The following FER1L6 variants were observed in gnomAD, a reference collection of about 807,000 sequenced individuals.
FER1L6 encodes fer-1 like family member 6.
A neutral mutation model predicts 219.2 loss-of-function variants in FER1L6; 177 were observed. That is an observed-to-expected ratio of 0.81 (90% confidence interval 0.71 to 0.91). The LOEUF is 0.91. Among genes scored for constraint, FER1L6 ranks in the 40% least tolerant of loss-of-function variants. The pLI is 0.00. For missense variants in FER1L6, 2,153 were observed against 2,259.9 expected, an observed-to-expected ratio of 0.95 and a Z score of 0.96; for synonymous variants, 768 against 824.3, an observed-to-expected ratio of 0.93 and a Z score of 1.17.
In FER1L6 at chr8:124,119,940, C is replaced by CA; in HGVS notation, c.*150_*151insA. 7.8e-6 allele frequency: 6 copies of CA among 773,572 alleles called. No individual in the cohort carries two copies. Among genetic ancestry groups the CA allele is most frequent in the South Asian group, 2.8e-5 (1 of 35,120 alleles). 47.9% of individuals were successfully genotyped at this position (773,572 alleles called of 1,614,324 possible). A position where few individuals can be genotyped will look rare whatever the true frequency, so the allele number is the denominator to read the frequency against. On this transcript the variant is annotated 3_prime_UTR_variant, in exon 41 of 41. Coordinates refer to ENST00000522917, the MANE Select transcript of FER1L6 (RefSeq NM_001039112.2). Reference sequence around the variant, plus strand: ...GGAAGAGATGGAAAAGAAACATTTCCTCCCTGCTCCAACCCCTGCCTCCAA... The same window carrying CA: ...GGAAGAGATGGAAAAGAAACATTTCCATCCCTGCTCCAACCCCTGCCTCCAA...
chr8:123,922,879 A>C (rs1221368475), intron 1 of FER1L6, among the ~76,000 whole-genome samples: 3 of 152,068 alleles, frequency 2.0e-5, no homozygotes, highest in African/African-American at 7.2e-5. Flanking sequence ...TTTGAACTCA[A>C]AGTGTGTAAT....
At chr8:123,981,168 C>T (rs983760992) in intron 11 of FER1L6, among the ~76,000 whole-genome samples, 4 of 152,130 alleles carry the variant, frequency 2.6e-5, no homozygotes, top group Non-Finnish European at 5.9e-5. Context: ...TTAGAGTAAG[C>T]TCCGGATGGG....
chr8:123,871,687 G>C (rs1816926307), intron 1 of FER1L6, among the ~76,000 whole-genome samples: 1 of 152,168 alleles, frequency 6.6e-6, no homozygotes. Context: ...AGGAGGTAAA[G>C]CATAGATTCC....
At chr8:123,892,179 T>A (rs1812658541) in intron 1 of FER1L6, among the ~76,000 whole-genome samples, 2 of 152,168 alleles carry the variant, frequency 1.3e-5, no homozygotes, top group Non-Finnish European at 2.9e-5. Context: ...TAATACACCA[T>A]ACAAAGGTAA....
At chr8:124,013,381 C>A in intron 14 of FER1L6, 50 bp from the exon 15 acceptor site, 1 of 1,119,672 alleles carries the variant, frequency 8.9e-7, no homozygotes, top group Non-Finnish European at 1.3e-6. Context: ...TCTCTACTAC[C>A]AATCTCATTA....
chr8:124,031,724 C>A (rs534379969), intron 18 of FER1L6, among the ~76,000 whole-genome samples: 5 of 152,188 alleles, frequency 3.3e-5, no homozygotes, highest in African/African-American at 1.2e-4. Flanking sequence ...GGCAGGAGGT[C>A]AGAGAAACAC....
chr8:123,948,639 G>T (rs1198582557), intron 1 of FER1L6, among the ~76,000 whole-genome samples: 1 of 152,012 alleles, frequency 6.6e-6, no homozygotes, highest in Non-Finnish European at 1.5e-5. Context: ...GTATAAAGAG[G>T]TACAACTGAC....
rs772870163 is a variant in FER1L6 at position 124,045,937 on chromosome 8, C to G, written c.2724+36C>G. 3.1e-6 allele frequency: 5 copies of G among 1,603,610 alleles called. No individual in the cohort carries two copies. The South Asian group carries it at 5.6e-5, about 18-fold the overall frequency. ...CCCTGGGCCAGTGCTGACCACACCTCATAAAAAATGCCACGTTGAACTCAC... is the reference window on the plus strand; with the variant it reads ...CCCTGGGCCAGTGCTGACCACACCTGATAAAAAATGCCACGTTGAACTCAC... On this transcript the variant is annotated intron_variant, in intron 21 of 40. Coordinates refer to ENST00000522917, the MANE Select transcript of FER1L6 (RefSeq NM_001039112.2).
At position 124,099,278 on chromosome 8, in the gene FER1L6, G is replaced by A. The variant is rs968564153; in HGVS notation, c.4883+1395G>A. Among the ~76,000 whole-genome samples, 7 of 152,110 alleles carry A rather than the reference G, an allele frequency of 4.6e-5. No homozygotes were observed. The South Asian group carries it at 6.2e-4, about 14-fold the overall frequency. On this transcript the variant is annotated intron_variant, in intron 37 of 40. Coordinates refer to ENST00000522917, the MANE Select transcript of FER1L6 (RefSeq NM_001039112.2). ...TTCATTCTTGACAACTCCTGTTCCC[G>A]ATGTGTAGATTCCTCAAAAGCAGCA...
At chr8:123,903,918 TTTAA>T (rs1408343336) in intron 1 of FER1L6, among the ~76,000 whole-genome samples, 1 of 152,158 alleles carries the variant, frequency 6.6e-6, no homozygotes, top group Non-Finnish European at 1.5e-5. Context: ...GATTTGACAA[TTTAA>T]TTAACTTATC....
At chr8:123,969,886 A>AAAAC (rs377727638) in intron 5 of FER1L6, 149 bp from the exon 6 acceptor site, 14 of 575,986 alleles carry the variant, frequency 2.4e-5, no homozygotes, top group African/African-American at 2.0e-4. Flanking sequence ...AAAAAAAAAA[A>AAAAC]GAGAATTGAC....
intron 20 of FER1L6, among the ~76,000 whole-genome samples, chr8:124,045,275 G>C (rs989433319): frequency 6.6e-6 from 1 of 152,194 alleles, no homozygotes; most frequent in Non-Finnish European, 1.5e-5. Context: ...GGGCTTTGCT[G>C]CCAGATGGTC....
At chr8:123,899,996 T>C (rs1423251273) in intron 1 of FER1L6, among the ~76,000 whole-genome samples, 1 of 152,166 alleles carries the variant, frequency 6.6e-6, no homozygotes, top group East Asian at 1.9e-4. Flanking sequence ...TTTGGTTCCA[T>C]ATGAATTTTA....
At chr8:123,866,958 A>G (rs1382221992) in intron 1 of FER1L6, among the ~76,000 whole-genome samples, 1 of 152,192 alleles carries the variant, frequency 6.6e-6, no homozygotes, top group Non-Finnish European at 1.5e-5. Context: ...AGTTCCTCAT[A>G]TATTTTGAAT....
chr8:124,093,451 C>T (rs939907436), intron 34 of FER1L6, among the ~76,000 whole-genome samples: 1 of 151,932 alleles, frequency 6.6e-6, no homozygotes, highest in African/African-American at 2.4e-5. Flanking sequence ...ATGTTGACCC[C>T]TACCACTTTG....
intron 2 of FER1L6, among the ~76,000 whole-genome samples, chr8:123,961,626 A>G (rs1815280242): frequency 6.6e-6 from 1 of 152,202 alleles, no homozygotes; most frequent in Admixed American, 6.5e-5. Flanking sequence ...ATGGTTAGCC[A>G]GATATATGTA....
chr8:124,109,396 G>A (rs1261749657), intron 39 of FER1L6, among the ~76,000 whole-genome samples: 4 of 152,144 alleles, frequency 2.6e-5, no homozygotes, highest in South Asian at 2.1e-4. Flanking sequence ...AGATGGAGCC[G>A]CCTTCTTGAA....
chr8:123,859,720 A>T (rs1816711736), intron 1 of FER1L6, among the ~76,000 whole-genome samples: 1 of 114,790 alleles, frequency 8.7e-6, no homozygotes, highest in African/African-American at 3.4e-5. Flanking sequence ...ACCCCACAAC[A>T]GTCCCCAGAG....
rs148801063 is a variant in FER1L6, at chr8:124,051,517, A to G, written c.2874+1761A>G. Among the ~76,000 whole-genome samples, 36 of 152,342 alleles carry G rather than the reference A, an allele frequency of 2.4e-4. No homozygotes were observed. The South Asian group carries it at 5.8e-3, about 25-fold the overall frequency. On this transcript the variant is annotated intron_variant, in intron 22 of 40. Transcript: ENST00000522917. ...AATGGGGATTATAGTCAATCTATCT[A>G]AAGTGCCTGGCATGGAATAAACACT...
Sources: gnomAD v4.1 joint callset for allele counts (sites outside exome capture counted in the v4.1 genomes callset) on GRCh38, gnomAD v4.1.1 for gene constraint, MANE v1.5 for transcripts, NCBI Gene and HGNC (gene_info 2026-07-23, HGNC 2026-07-21) for gene names.